The following DOCK2 variants were observed in gnomAD, a reference collection of about 807,000 sequenced individuals.
The protein encoded by DOCK2 is dedicator of cytokinesis 2, also known as dedicator of cytokinesis protein 2.
DOCK2 carries 87 observed loss-of-function variants against 248.9 expected under a neutral mutation model. The ratio of observed to expected loss-of-function variants is 0.35; its 90% CI spans 0.29 to 0.42. The LOEUF is 0.42. DOCK2 is among the 10% of genes least tolerant of loss of function. DOCK2 has a pLI of 1.00. For synonymous variants in DOCK2, 805 were observed against 821.6 expected (o/e 0.98, Z 0.35); for missense variants, 1,747 against 2,300.2 (o/e 0.76, Z 4.92).
chr5:169,719,873 A>G (rs1762099213), intron 22 of DOCK2, among the ~76,000 whole-genome samples: 1 of 151,526 alleles, frequency 6.6e-6, no homozygotes, highest in South Asian at 2.1e-4. Context: ...ATGAGTTCTC[A>G]AAAGAAACTT....
intron 40 of DOCK2, 36 bp from the exon 41 acceptor site, chr5:170,050,220 G>A (rs764849191): frequency 3.1e-6 from 5 of 1,607,918 alleles, no homozygotes; most frequent in Non-Finnish European, 4.2e-6. Context: ...TCACACCTGG[G>A]TCCCCAAATC....
chr5:169,751,197 G>A (rs1266592110), intron 23 of DOCK2, among the ~76,000 whole-genome samples: 3 of 152,078 alleles, frequency 2.0e-5, no homozygotes, highest in Non-Finnish European at 4.4e-5. Context: ...AGCTTTTTGG[G>A]TATTTTACTA....
intron 27 of DOCK2, chr5:169,934,755 A>G (rs760542218): frequency 2.2e-6 from 1 of 455,276 alleles, no homozygotes; most frequent in South Asian, 1.6e-5. Context: ...ATCAGTGCTC[A>G]GTAAATGCTA....
chr5:169,660,113 A>C (rs1758357824), intron 2 of DOCK2, among the ~76,000 whole-genome samples: 1 of 152,154 alleles, frequency 6.6e-6, no homozygotes, highest in Non-Finnish European at 1.5e-5. Context: ...GAGATGCCAG[A>C]TGCCCCTGAC....
chr5:169,944,165 G>A (rs1050953351), intron 27 of DOCK2, among the ~76,000 whole-genome samples: 1 of 152,178 alleles, frequency 6.6e-6, no homozygotes, highest in African/African-American at 2.4e-5. Context: ...GCTCAGGGGC[G>A]TGAGCTGCCA....
intron 5 of DOCK2, among the ~76,000 whole-genome samples, chr5:169,671,957 C>T (rs927499890): frequency 6.6e-6 from 1 of 151,990 alleles, no homozygotes; most frequent in East Asian, 1.9e-4. Flanking sequence ...ATCCTTGTGG[C>T]TAAAGCAATT....
chr5:169,991,321 C>T (rs1304749910), intron 29 of DOCK2, among the ~76,000 whole-genome samples: 1 of 152,240 alleles, frequency 6.6e-6, no homozygotes, highest in East Asian at 1.9e-4. Context: ...TGAGGCCTCA[C>T]ATGGAACAGT....
intron 32 of DOCK2, among the ~76,000 whole-genome samples, chr5:170,012,691 G>C (rs1055012733): frequency 6.6e-6 from 1 of 152,200 alleles, no homozygotes; most frequent in African/African-American, 2.4e-5. Context: ...GATCCCGGGC[G>C]GACGCCAAAT....
chr5:169,777,918 T>A (rs1436815534), intron 25 of DOCK2, among the ~76,000 whole-genome samples: 1 of 152,180 alleles, frequency 6.6e-6, no homozygotes, highest in Non-Finnish European at 1.5e-5. Flanking sequence ...TCCTGTGCAT[T>A]CCAACTTAGA....
chr5:170,046,769 T>TACAC (rs58071736), intron 39 of DOCK2, among the ~76,000 whole-genome samples: 3,877 of 148,822 alleles, frequency 0.026, 172 homozygotes, highest in African/African-American at 0.09. Context: ...CACACACACA[T>TACAC]ACACACACAC....
At chr5:169,955,044 C>A (rs1776807726) in intron 27 of DOCK2, among the ~76,000 whole-genome samples, 1 of 152,230 alleles carries the variant, frequency 6.6e-6, no homozygotes, top group Admixed American at 6.5e-5. Context: ...AGGTCTCCAC[C>A]AGCCAAGAGC....
rs367974453 is a variant in DOCK2, at chr5:169,695,673, TTGTATGATTGGTCCA to T, written c.844-124_844-110del. On this transcript the variant is annotated intron_variant, in intron 9 of 51. Transcript: ENST00000520908. ...TTGTTTCTATCTTTTCCAGGACTTA[TTGTATGATTGGTCCA>T]TGTATAGCAAGTATTATATACATCC... 482 of 1,289,694 alleles carry T rather than the reference TTGTATGATTGGTCCA, an allele frequency of 3.7e-4. 5 individuals are homozygous for T. The African/African-American group carries it at 6.5e-3, about 17-fold the overall frequency. 79.9% of individuals were successfully genotyped at this position (1,289,694 alleles called of 1,614,324 possible).
intron 27 of DOCK2, among the ~76,000 whole-genome samples, chr5:169,928,812 T>G (rs567754744): frequency 5.3e-5 from 8 of 152,304 alleles, no homozygotes; most frequent in Non-Finnish European, 1.2e-4. Context: ...TGTTATTAGG[T>G]TAAATACTAC....
At chr5:170,046,039 C>T (rs1756696488) in intron 39 of DOCK2, 134 bp downstream of exon 39, 5 of 756,060 alleles carry the variant, frequency 6.6e-6, no homozygotes, top group East Asian at 5.3e-5. Context: ...GAAGTAGGAC[C>T]TGAGAGAGGC....
intron 29 of DOCK2, among the ~76,000 whole-genome samples, chr5:169,995,511 T>G (rs1754586585): frequency 2.6e-5 from 4 of 152,272 alleles, no homozygotes. Context: ...TACAGTGGAA[T>G]GCTCTTCAGT....
chr5:169,743,015 G>GA (rs1290639359), intron 22 of DOCK2, among the ~76,000 whole-genome samples: 4 of 152,180 alleles, frequency 2.6e-5, no homozygotes, highest in Non-Finnish European at 5.9e-5. Flanking sequence ...TTCTAGGCCA[G>GA]AAAAAATGTT....
At chr5:169,777,279 A>C (rs1294545051) in intron 25 of DOCK2, among the ~76,000 whole-genome samples, 2 of 152,176 alleles carry the variant, frequency 1.3e-5, no homozygotes, top group Admixed American at 1.3e-4. Flanking sequence ...CCAATTCGGG[A>C]GGGACATGTT....
chr5:170,062,684 G>A (rs1258855584), intron 44 of DOCK2, among the ~76,000 whole-genome samples: 2 of 152,160 alleles, frequency 1.3e-5, no homozygotes, highest in Non-Finnish European at 2.9e-5. Context: ...ACTGCGCAGA[G>A]TTAGACATAT....
intron 27 of DOCK2, among the ~76,000 whole-genome samples, chr5:169,904,046 T>A (rs1239363785): frequency 2.7e-5 from 4 of 145,760 alleles, no homozygotes; most frequent in Non-Finnish European, 5.9e-5. Flanking sequence ...TGAGCCGAGA[T>A]CGTTCCATTG....
Sources: allele counts gnomAD v4.1 joint callset (sites outside exome capture counted in the v4.1 genomes callset), GRCh38; gene constraint gnomAD v4.1.1; transcripts MANE v1.5; gene names NCBI Gene and HGNC (gene_info 2026-07-23, HGNC 2026-07-21).